The following GALNT9 variants were observed in gnomAD, a reference collection of about 807,000 sequenced individuals.
The protein encoded by GALNT9 is GalNAc transferase 9.
Under a neutral mutation model 63.1 loss-of-function variants are expected in GALNT9, and 47 were observed. The observed-to-expected ratio is 0.75, with a 90% CI of 0.59 to 0.95. The LOEUF (loss-of-function observed/expected upper bound fraction) is 0.95. Ranked by LOEUF, GALNT9 falls within the 40% of genes least tolerant of loss-of-function variation. The pLI is 0.00. For synonymous variants in GALNT9, 396 were observed against 365.7 expected (o/e 1.08, Z -0.94); for missense variants, 829 against 874.8 (o/e 0.95, Z 0.66).
chr12:132,243,786 C>T (rs1238724466), intron 6 of GALNT9, among the ~76,000 whole-genome samples: 1 of 152,204 alleles, frequency 6.6e-6, no homozygotes, highest in African/African-American at 2.4e-5. Context: ...GAAGGCCCTG[C>T]CTGCCTGGGG....
intron 1 of GALNT9, among the ~76,000 whole-genome samples, chr12:132,291,159 G>A (rs181920778): frequency 1.7e-4 from 5 of 29,456 alleles, no homozygotes; most frequent in East Asian, 1.9e-3. Context: ...CAGCACCCAC[G>A]TCCACAGCAC....
intron 2 of GALNT9, among the ~76,000 whole-genome samples, chr12:132,268,771 C>T (rs891661791): frequency 2.6e-5 from 4 of 152,206 alleles, no homozygotes; most frequent in Non-Finnish European, 4.4e-5. Context: ...CCATCAAGCA[C>T]GTGCGCAGGT....
At chr12:132,258,206 T>C (rs1344957882) in intron 4 of GALNT9, among the ~76,000 whole-genome samples, 1 of 152,168 alleles carries the variant, frequency 6.6e-6, no homozygotes, top group African/African-American at 2.4e-5. Flanking sequence ...AGGTCAGCTA[T>C]GTCCACCACG....
At chr12:132,287,411 C>T (rs1593106058) in intron 1 of GALNT9, among the ~76,000 whole-genome samples, 1 of 152,224 alleles carries the variant, frequency 6.6e-6, no homozygotes, top group African/African-American at 2.4e-5. Flanking sequence ...ACCATCCCCA[C>T]CAGCCCTTGA....
At position 132,247,922 on chromosome 12, in the gene GALNT9, T is replaced by C; in HGVS notation, c.1065A>G (p.Glu355=). The change falls in exon 6 of 11, where the codon GAA becomes GAG. Residue 355 remains glutamate (E), a synonymous_variant. Transcript: ENST00000328957. ...GGGCCGCACTCACCCTCATGCCCAG[T>C]TCTACGTTCTCGCCGCCATACACCT... ...GMEVYGGENV[E]LGMRVWQCGG... is the part of the protein sequence containing the mutation. The C allele has an allele frequency of 1.3e-6, 2 of 1,550,878 alleles. No individual in the cohort carries two copies. Among genetic ancestry groups the C allele is most frequent in the Non-Finnish European group, 1.7e-6 (2 of 1,146,874 alleles).
At chr12:132,262,063 C>T (rs1555239815) in intron 3 of GALNT9, among the ~76,000 whole-genome samples, 3 of 152,170 alleles carry the variant, frequency 2.0e-5, no homozygotes, top group Non-Finnish European at 4.4e-5. Flanking sequence ...GGGTGGCTGA[C>T]CCCAACTTCA....
intron 6 of GALNT9, among the ~76,000 whole-genome samples, chr12:132,218,811 C>A (rs1383499552): frequency 2.0e-5 from 3 of 152,254 alleles, no homozygotes; most frequent in African/African-American, 7.2e-5. Flanking sequence ...CATTCCCACC[C>A]CAGGGCCAGC....
At chr12:132,240,769 T>G in intron 6 of GALNT9, 1 of 454,950 alleles carries the variant, frequency 2.2e-6, no homozygotes, top group South Asian at 1.6e-5. Flanking sequence ...AGAATTGGAA[T>G]GTGCAGTATG....
chr12:132,261,075 C>T lies in GALNT9; in HGVS notation c.634G>A (p.Gly212Ser). The change falls in exon 4 of 11, where the codon GGC becomes AGC. Residue 212 changes from glycine to serine, a missense_variant. Transcript: ENST00000328957. ...LDQYVNKRYP[G>S]LVKIVRNSRR... ...CTGTTGCGGACAATCTTCACGAGGCCTGGGTACCGCTTGTTGACGTACTGG... is the reference window on the plus strand; with the variant it reads ...CTGTTGCGGACAATCTTCACGAGGCTTGGGTACCGCTTGTTGACGTACTGG... The T allele has an allele frequency of 6.4e-7, 1 of 1,551,624 alleles. No homozygotes were observed. Among genetic ancestry groups the T allele is most frequent in the South Asian group, 1.2e-5 (1 of 84,046 alleles).
At chr12:132,230,074 G>T (rs1877835582) in intron 6 of GALNT9, among the ~76,000 whole-genome samples, 1 of 152,172 alleles carries the variant, frequency 6.6e-6, no homozygotes, top group Non-Finnish European at 1.5e-5. Context: ...GTCGCCACCG[G>T]GTCATCCAAG....
chr12:132,280,976 G>A (rs1880314320), intron 2 of GALNT9: 1 of 152,350 alleles, frequency 6.6e-6, no homozygotes, highest in Non-Finnish European at 1.5e-5. Flanking sequence ...GGGATTAAGG[G>A]AGCGATGCGT....
Position 132,329,309 on chromosome 12 carries a change from G to T in GALNT9, c.-106C>A. 3 of 1,421,770 alleles carry T rather than the reference G, an allele frequency of 2.1e-6. No homozygotes were observed. The highest frequency in any genetic ancestry group is 2.0e-4 in the Middle Eastern group (1 of 5,124). The allele number at this position is 1,421,770 out of a possible 1,614,324, so 88.1% of individuals were successfully genotyped here. The stretch of plus-strand genomic sequence containing the variant: ...GGGACCATGAGCCGCCCGGGGCTGC[G>T]GGGGCTGCGGGGCTCGGCCGGAGCT... On this transcript the variant is annotated 5_prime_UTR_variant, in exon 1 of 11. Coordinates refer to ENST00000328957, the MANE Select transcript of GALNT9 (RefSeq NM_001122636.2).
intron 4 of GALNT9, among the ~76,000 whole-genome samples, chr12:132,259,347 C>T (rs28595785): frequency 0.013 from 1,965 of 152,324 alleles, 32 homozygotes; most frequent in South Asian, 0.092. Flanking sequence ...AAAAGGCTGC[C>T]GGTGTAGTTG....
chr12:132,325,941 C>T (rs112940626), intron 1 of GALNT9, among the ~76,000 whole-genome samples: 152 of 152,378 alleles, frequency 1.0e-3, no homozygotes, highest in African/African-American at 2.9e-3. Flanking sequence ...CCAGCCGCTG[C>T]GACGCGGGCG....
intron 1 of GALNT9, among the ~76,000 whole-genome samples, chr12:132,293,340 C>T (rs1278312112): frequency 6.6e-6 from 1 of 152,196 alleles, no homozygotes; most frequent in Non-Finnish European, 1.5e-5. Flanking sequence ...CTCTGGGCTC[C>T]GGGGAGCCTC....
At chr12:132,318,678 C>T (rs958212019) in intron 1 of GALNT9, among the ~76,000 whole-genome samples, 4 of 152,228 alleles carry the variant, frequency 2.6e-5, no homozygotes, top group African/African-American at 9.6e-5. Flanking sequence ...CCTGCAGCCC[C>T]GTGTGTGGCC....
chr12:132,314,736 A>G (rs1868420174), intron 1 of GALNT9, among the ~76,000 whole-genome samples: 1 of 152,186 alleles, frequency 6.6e-6, no homozygotes, highest in African/African-American at 2.4e-5. Context: ...GGCTCTGCAC[A>G]GTATGGCAGT....
At chr12:132,281,274 G>A (rs1294962326) in intron 2 of GALNT9, among the ~76,000 whole-genome samples, 2 of 152,208 alleles carry the variant, frequency 1.3e-5, no homozygotes, top group Non-Finnish European at 2.9e-5. Context: ...GATACATTCC[G>A]CAGGCACCGG....
intron 8 of GALNT9, among the ~76,000 whole-genome samples, chr12:132,200,219 T>A (rs12370221): frequency 6.6e-6 from 1 of 152,000 alleles, no homozygotes; most frequent in African/African-American, 2.4e-5. Flanking sequence ...ACCCTTTTCC[T>A]TGCCCCATCC....
Sources: allele counts gnomAD v4.1 joint callset (sites outside exome capture counted in the v4.1 genomes callset), GRCh38; gene constraint gnomAD v4.1.1; transcripts MANE v1.5; gene names NCBI Gene and HGNC (gene_info 2026-07-23, HGNC 2026-07-21).